FRMD4A: variants seen among roughly 807,000 people sequenced by gnomAD.
FRMD4A encodes the protein FERM domain-containing protein 4A.
Under a neutral mutation model 129.1 loss-of-function variants are expected in FRMD4A, and 29 were observed. The observed-to-expected ratio is 0.22, with a 90% CI of 0.17 to 0.31. The LOEUF (loss-of-function observed/expected upper bound fraction) is 0.31, where lower values mean the gene tolerates loss of function less well. Among genes scored for constraint, FRMD4A ranks in the 10% least tolerant of loss-of-function variants. The probability of loss-of-function intolerance (pLI) is 1.00; values close to 1 mark genes in which losing one functional copy is unlikely to be tolerated. For synonymous variants in FRMD4A, 634 were observed against 571.6 expected (o/e 1.11, Z -1.56); for missense variants, 1,272 against 1,375.8 (o/e 0.92, Z 1.19).
intron 2 of FRMD4A, among the ~76,000 whole-genome samples, chr10:14,158,606 A>AC (rs1362878741): frequency 1.3e-5 from 2 of 151,588 alleles, no homozygotes; most frequent in Middle Eastern, 3.2e-3. Context: ...ACAGAGTGAG[A>AC]CCCCATCTCA....
At chr10:14,042,468 T>A (rs1833816704) in intron 2 of FRMD4A, among the ~76,000 whole-genome samples, 1 of 152,200 alleles carries the variant, frequency 6.6e-6, no homozygotes, top group South Asian at 2.1e-4. Flanking sequence ...CAGTGTACTC[T>A]TGTGGCAAAA....
At chr10:14,267,699 T>A (rs1845025248) in intron 2 of FRMD4A, among the ~76,000 whole-genome samples, 1 of 152,236 alleles carries the variant, frequency 6.6e-6, no homozygotes, top group Non-Finnish European at 1.5e-5. Context: ...TGCGTTGGGA[T>A]AAATAAATAT....
intron 2 of FRMD4A, among the ~76,000 whole-genome samples, chr10:14,217,642 G>A (rs1229899435): frequency 6.6e-6 from 1 of 152,148 alleles, no homozygotes; most frequent in Non-Finnish European, 1.5e-5. Flanking sequence ...CCAGGGTCAT[G>A]AGGTGGTGGC....
chr10:13,941,226 T>C (rs2095289592), intron 2 of FRMD4A, among the ~76,000 whole-genome samples: 1 of 152,150 alleles, frequency 6.6e-6, no homozygotes, highest in South Asian at 2.1e-4. Flanking sequence ...GTTCTCATGG[T>C]AGTGAATAAG....
chr10:14,043,661 T>G (rs914194916), intron 2 of FRMD4A, among the ~76,000 whole-genome samples: 8 of 152,230 alleles, frequency 5.3e-5, no homozygotes, highest in African/African-American at 1.9e-4. Flanking sequence ...CAGCCTCGAC[T>G]GCACAGCTGC....
At chr10:13,869,271 G>T (rs1415967024) in intron 2 of FRMD4A, among the ~76,000 whole-genome samples, 1 of 152,156 alleles carries the variant, frequency 6.6e-6, no homozygotes, top group Non-Finnish European at 1.5e-5. Flanking sequence ...ATGAGGCGTG[G>T]ACCCAGGCAG....
intron 2 of FRMD4A, among the ~76,000 whole-genome samples, chr10:14,070,289 A>G (rs1317928518): frequency 5.9e-5 from 9 of 152,204 alleles, no homozygotes. Context: ...CAGTCTTCCT[A>G]GAATTTTGGG....
At chr10:13,681,689 T>C (rs1254298011) in intron 15 of FRMD4A, among the ~76,000 whole-genome samples, 1 of 152,134 alleles carries the variant, frequency 6.6e-6, no homozygotes, top group African/African-American at 2.4e-5. Context: ...AAGCCAAAGC[T>C]CACACCAGTG....
intron 2 of FRMD4A, among the ~76,000 whole-genome samples, chr10:14,112,827 C>T (rs1005996273): frequency 1.4e-4 from 22 of 152,110 alleles, no homozygotes; most frequent in African/African-American, 5.1e-4. Context: ...TGCCCGGCCC[C>T]CTGATTAAAC....
At chr10:14,231,346 G>GT (rs34532314) in intron 2 of FRMD4A, among the ~76,000 whole-genome samples, 13,800 of 142,550 alleles carry the variant, frequency 0.097, 695 homozygotes, top group Middle Eastern at 0.13. Context: ...TCTCATTGTG[G>GT]TTTTTTTTTT....
At chr10:13,670,610 T>A in intron 16 of FRMD4A, 82 bp from the exon 17 acceptor site, 2 of 1,427,216 alleles carry the variant, frequency 1.4e-6, no homozygotes, top group South Asian at 2.4e-5. Flanking sequence ...CACACGCACA[T>A]ACACGCACAC....
At chr10:14,223,765 G>T (rs894441130) in intron 2 of FRMD4A, among the ~76,000 whole-genome samples, 1,411 of 71,986 alleles carry the variant, frequency 0.02, 29 homozygotes, top group African/African-American at 0.064. Context: ...AAAAAAAAAA[G>T]AGAGAGAGAG....
intron 2 of FRMD4A, among the ~76,000 whole-genome samples, chr10:14,288,464 G>C (rs977274948): frequency 2.0e-5 from 3 of 152,172 alleles, no homozygotes; most frequent in Non-Finnish European, 2.9e-5. Flanking sequence ...CCATCACTAT[G>C]TGTTAATAAT....
intron 2 of FRMD4A, among the ~76,000 whole-genome samples, chr10:14,106,078 C>T (rs981931649): frequency 2.6e-5 from 4 of 152,172 alleles, no homozygotes; most frequent in Non-Finnish European, 5.9e-5. Context: ...TAGAATATAC[C>T]CACAACAGGA....
At chr10:14,108,321 G>C (rs1837692186) in intron 2 of FRMD4A, among the ~76,000 whole-genome samples, 1 of 152,174 alleles carries the variant, frequency 6.6e-6, no homozygotes, top group Non-Finnish European at 1.5e-5. Context: ...TACTGATTAA[G>C]TGCATTTGAG....
chr10:14,027,417 G>T (rs1362989468), intron 2 of FRMD4A, among the ~76,000 whole-genome samples: 1 of 152,144 alleles, frequency 6.6e-6, no homozygotes, highest in African/African-American at 2.4e-5. Flanking sequence ...GAGGCGGGTG[G>T]ACAGCCTGAC....
chr10:14,152,180 T>C (rs1370654262), intron 2 of FRMD4A, among the ~76,000 whole-genome samples: 2 of 126,178 alleles, frequency 1.6e-5, no homozygotes, highest in Non-Finnish European at 3.1e-5. Flanking sequence ...CAGGCTGGAG[T>C]GCAGTGGCAT....
chr10:13,672,015 G>A (rs2083547600), intron 16 of FRMD4A, among the ~76,000 whole-genome samples: 1 of 152,282 alleles, frequency 6.6e-6, no homozygotes, highest in South Asian at 2.1e-4. Context: ...TCCAAATCAT[G>A]AGAGTGTGAT....
At position 14,307,609 on chromosome 10, in the gene FRMD4A, G is replaced by A. The variant is rs567095707; in HGVS notation, c.45+22449C>T. 5.3e-5 allele frequency among the ~76,000 whole-genome samples: 8 copies of A among 152,314 alleles called. No individual in the cohort carries two copies. In the East Asian group the frequency reaches 5.8e-4, roughly 11 times the overall value. On this transcript the variant is annotated intron_variant, in intron 2 of 24. Coordinates refer to ENST00000357447, the MANE Select transcript of FRMD4A (RefSeq NM_018027.5). ...GCTAACTACGGAAGGAAACCTACAG[G>A]CAAGAAACAAAGTGGTCCTTCTAGC...
Sources: allele counts gnomAD v4.1 joint callset (sites outside exome capture counted in the v4.1 genomes callset), GRCh38; gene constraint gnomAD v4.1.1; transcripts MANE v1.5; gene names NCBI Gene and HGNC (gene_info 2026-07-23, HGNC 2026-07-21).